NTM: variants seen among roughly 807,000 people sequenced by gnomAD.
NTM encodes the protein IgLON family member 2.
In NTM, 13 loss-of-function variants were observed where a neutral mutation model predicts 42.1. The ratio of observed to expected loss-of-function variants is 0.31; its 90% CI spans 0.20 to 0.49. The LOEUF is 0.49. Ranked by LOEUF, NTM falls within the 20% of genes least tolerant of loss-of-function variation. The probability of loss-of-function intolerance (pLI) is 0.99; values close to 1 mark genes in which losing one functional copy is unlikely to be tolerated. For missense variants in NTM, 373 were observed against 452.8 expected, an observed-to-expected ratio of 0.82 and a Z score of 1.60; for synonymous variants, 187 against 179.2, an observed-to-expected ratio of 1.04 and a Z score of -0.35.
chr11:132,011,336 G>C (rs2072140076), intron 2 of NTM, among the ~76,000 whole-genome samples: 1 of 152,078 alleles, frequency 6.6e-6, no homozygotes, highest in Non-Finnish European at 1.5e-5. Context: ...ACCTCTCTTT[G>C]AAGTTAACTG....
intron 2 of NTM, among the ~76,000 whole-genome samples, chr11:131,964,447 A>C (rs34967865): frequency 0.041 from 6,222 of 152,350 alleles, 190 homozygotes; most frequent in Non-Finnish European, 0.059. Context: ...GCATAGCCAA[A>C]GTGACAAGTG....
At chr11:132,039,455 C>T in intron 2 of NTM, among the ~76,000 whole-genome samples, 1 of 139,304 alleles carries the variant, frequency 7.2e-6, no homozygotes, top group African/African-American at 2.7e-5. Flanking sequence ...CAGGGTCTTA[C>T]AATGATGCTC....
At chr11:131,579,169 C>A (rs552045262) in intron 1 of NTM, among the ~76,000 whole-genome samples, 2 of 152,228 alleles carry the variant, frequency 1.3e-5, no homozygotes, top group South Asian at 4.1e-4. Context: ...GTCACATGGA[C>A]CCTGCTCTGA....
chr11:131,488,890 A>G (rs1239433371), intron 1 of NTM, among the ~76,000 whole-genome samples: 1 of 152,244 alleles, frequency 6.6e-6, no homozygotes, highest in Non-Finnish European at 1.5e-5. Flanking sequence ...AGCGCAGGAT[A>G]TTTGCAATAA....
At chr11:131,836,551 G>A (rs1356812136) in intron 1 of NTM, among the ~76,000 whole-genome samples, 1 of 152,132 alleles carries the variant, frequency 6.6e-6, no homozygotes, top group Admixed American at 6.5e-5. Flanking sequence ...ACACTAGTAT[G>A]CAATTTATTT....
chr11:132,043,462 C>T (rs138106915), intron 2 of NTM, among the ~76,000 whole-genome samples: 1 of 152,216 alleles, frequency 6.6e-6, no homozygotes, highest in Non-Finnish European at 1.5e-5. Context: ...TTCCTGCATC[C>T]TCTGTCACTG....
chr11:131,853,201 A>G (rs1316448670), intron 1 of NTM, among the ~76,000 whole-genome samples: 2 of 152,066 alleles, frequency 1.3e-5, no homozygotes, highest in Admixed American at 1.3e-4. Context: ...TGTTCTACAC[A>G]GTCTGAGCAC....
intron 1 of NTM, among the ~76,000 whole-genome samples, chr11:131,852,750 C>T (rs2045693130): frequency 6.6e-6 from 1 of 152,116 alleles, no homozygotes; most frequent in Non-Finnish European, 1.5e-5. Context: ...TATCCATTCA[C>T]TCATCCATCC....
chr11:131,885,915 G>A (rs370882578), intron 1 of NTM, among the ~76,000 whole-genome samples: 3 of 152,102 alleles, frequency 2.0e-5, no homozygotes, highest in Non-Finnish European at 2.9e-5. Flanking sequence ...AGTGGGGTAC[G>A]TCACTCTGAT....
intron 4 of NTM, among the ~76,000 whole-genome samples, chr11:132,278,149 T>C (rs986911152): frequency 1.3e-5 from 2 of 152,214 alleles, no homozygotes; most frequent in African/African-American, 4.8e-5. Context: ...GCCTACCCAA[T>C]ACTTATTGAG....
At chr11:132,274,486 G>A (rs2093630168) in intron 4 of NTM, among the ~76,000 whole-genome samples, 1 of 151,932 alleles carries the variant, frequency 6.6e-6, no homozygotes, top group Non-Finnish European at 1.5e-5. Flanking sequence ...AATTCCAGAT[G>A]ACCTGCTCTT....
At chr11:131,973,756 G>T (rs1002004509) in intron 2 of NTM, among the ~76,000 whole-genome samples, 4 of 152,214 alleles carry the variant, frequency 2.6e-5, no homozygotes, top group Admixed American at 2.6e-4. Flanking sequence ...GGCAGAGGTT[G>T]CAGTGAGCCG....
chr11:132,166,756 G>A (rs2075338288), intron 3 of NTM, among the ~76,000 whole-genome samples: 1 of 152,162 alleles, frequency 6.6e-6, no homozygotes, highest in South Asian at 2.1e-4. Context: ...GAGTGAGTCT[G>A]GCACATGTCA....
In NTM at chr11:131,736,778, G is replaced by A. The variant is rs143883443; in HGVS notation, c.83-174786G>A. Among the ~76,000 whole-genome samples, 595 of 152,284 alleles carry A rather than the reference G, an allele frequency of 3.9e-3. 4 individuals carry two copies. The highest frequency in any genetic ancestry group is 0.013 in the African/African-American group (558 of 41,570). On this transcript the variant is annotated intron_variant, in intron 1 of 8. Transcript: ENST00000683400. ...CTCTTAGGGTGGCATAAGGGGAGAC[G>A]AGGGAGACAGAAAGGGAAGGATGAA...
chr11:132,129,630 A>G lies in NTM; in HGVS notation c.168-16652A>G, dbSNP rs980379271. Among the ~76,000 whole-genome samples, 7 of 152,288 alleles carry G rather than the reference A, an allele frequency of 4.6e-5. No homozygotes were observed. In the South Asian group the frequency reaches 6.2e-4, roughly 14 times the overall value. Reference sequence around the variant, plus strand: ...TACAGCTTCCTGTGGGCTCTACCTCAAAGTCATGGAAGGGAAGACTTCTTA... The same window carrying G: ...TACAGCTTCCTGTGGGCTCTACCTCGAAGTCATGGAAGGGAAGACTTCTTA... On this transcript the variant is annotated intron_variant, in intron 2 of 8. Coordinates refer to ENST00000683400, the MANE Select transcript of NTM (RefSeq NM_001352005.2).
intron 1 of NTM, among the ~76,000 whole-genome samples, chr11:131,431,783 T>A (rs1482305442): frequency 6.6e-6 from 1 of 152,106 alleles, no homozygotes; most frequent in African/African-American, 2.4e-5. Flanking sequence ...CAAGCGTGCA[T>A]CTCCTAATGT....
chr11:131,978,484 A>G (rs2064748863), intron 2 of NTM, among the ~76,000 whole-genome samples: 1 of 152,128 alleles, frequency 6.6e-6, no homozygotes, highest in Admixed American at 6.5e-5. Context: ...AAAAAACAGT[A>G]GACCTGCTCT....
At chr11:131,777,445 C>A in intron 1 of NTM, among the ~76,000 whole-genome samples, 1 of 95,292 alleles carries the variant, frequency 1.0e-5, no homozygotes, top group Middle Eastern at 0.013. Context: ...CCCCCCCACC[C>A]CCCACCCCAT....
At chr11:132,033,762 G>A (rs2076197385) in intron 2 of NTM, among the ~76,000 whole-genome samples, 1 of 152,172 alleles carries the variant, frequency 6.6e-6, no homozygotes, top group African/African-American at 2.4e-5. Context: ...ATCTCGCTTG[G>A]TTCTTTAAGA....
Sources: allele counts gnomAD v4.1 joint callset (sites outside exome capture counted in the v4.1 genomes callset), GRCh38; gene constraint gnomAD v4.1.1; transcripts MANE v1.5; gene names NCBI Gene and HGNC (gene_info 2026-07-23, HGNC 2026-07-21).